The following RGS6 variants were observed in gnomAD, a reference collection of about 807,000 sequenced individuals.
The protein encoded by RGS6 is regulator of G protein signaling 6.
A neutral mutation model predicts 78.5 loss-of-function variants in RGS6; 30 were observed. That is an observed-to-expected ratio of 0.38 (90% CI 0.29 to 0.52). The LOEUF (loss-of-function observed/expected upper bound fraction) is 0.52, where lower values mean the gene tolerates loss of function less well. RGS6 is among the 20% of genes least tolerant of loss of function. RGS6 has a pLI of 0.85. For synonymous variants in RGS6, 206 were observed against 206.0 expected (o/e 1.00, Z 0.00); for missense variants, 495 against 609.7 (o/e 0.81, Z 1.98).
chr14:72,184,400 AC>A (rs2097212092), intron 2 of RGS6, among the ~76,000 whole-genome samples: 8 of 151,976 alleles, frequency 5.3e-5, no homozygotes, highest in African/African-American at 1.9e-4. Flanking sequence ...ACACACACAC[AC>A]ACACACACAC....
the RGS6 span, chr14:71,908,023 G>A: frequency 6.6e-6 from 1 of 152,226 alleles, no homozygotes; most frequent in Non-Finnish European, 1.5e-5. Flanking sequence ...TGAAGCACAA[G>A]TGAAGGAAGC....
At chr14:71,930,730 C>G (rs929439122), upstream of RGS6, among the ~76,000 whole-genome samples, 1 of 151,870 alleles carries the variant, frequency 6.6e-6, no homozygotes, top group African/African-American at 2.4e-5. Context: ...AGTCTGTAAT[C>G]CCAGCACTTT....
chr14:72,400,336 A>T (rs2092226831), intron 3 of RGS6, among the ~76,000 whole-genome samples: 1 of 152,238 alleles, frequency 6.6e-6, no homozygotes, highest in African/African-American at 2.4e-5. Flanking sequence ...TTATTAATTA[A>T]TGGTTCACTT....
intron 1 of RGS6, among the ~76,000 whole-genome samples, chr14:71,957,183 G>C (rs543006194): frequency 1.3e-5 from 2 of 152,202 alleles, no homozygotes; most frequent in Non-Finnish European, 2.9e-5. Flanking sequence ...AAGTGGTGAA[G>C]GTGTTAGGGA....
rs532357610 is a variant in RGS6 at position 72,188,441 on chromosome 14, G to T, written c.85-163654G>T. On this transcript the variant is annotated intron_variant, in intron 2 of 17. Coordinates refer to ENST00000553525, the MANE Select transcript of RGS6 (RefSeq NM_001204424.2). ...AGCTAATGCCCCTAAAATGCATGGT[G>T]CCTTACAGTGTGCCCCATAGGTGCT... Among the ~76,000 whole-genome samples the T allele has an allele frequency of 3.9e-5, 6 of 152,126 alleles. No homozygotes were observed. In the East Asian group the frequency reaches 9.7e-4, roughly 25 times the overall value.
intron 17 of RGS6, 127 bp downstream of exon 17, chr14:72,540,221 C>G (rs752956532): frequency 5.4e-5 from 82 of 1,529,556 alleles, no homozygotes; most frequent in Admixed American, 6.1e-5. Context: ...AGTGCTTTCT[C>G]CCTCGACTCA....
chr14:72,151,129 C>T (rs927019485), intron 2 of RGS6, among the ~76,000 whole-genome samples: 3 of 152,138 alleles, frequency 2.0e-5, no homozygotes, highest in Non-Finnish European at 4.4e-5. Flanking sequence ...AGAACGAAGA[C>T]CCGGGTGTGT....
chr14:72,260,877 TC>T (rs2058038830), intron 2 of RGS6, among the ~76,000 whole-genome samples: 1 of 152,188 alleles, frequency 6.6e-6, no homozygotes, highest in African/African-American at 2.4e-5. Context: ...AAGCTCAACT[TC>T]CACCATTTGG....
chr14:72,010,891 T>G (rs2085540587), intron 2 of RGS6, among the ~76,000 whole-genome samples: 1 of 152,262 alleles, frequency 6.6e-6, no homozygotes, highest in South Asian at 2.1e-4. Flanking sequence ...AACTATGCAA[T>G]GACCAATTGC....
At chr14:72,203,446 G>T (rs1165828624) in intron 2 of RGS6, among the ~76,000 whole-genome samples, 2 of 152,226 alleles carry the variant, frequency 1.3e-5, no homozygotes, top group African/African-American at 2.4e-5. Context: ...GTGGGTAAAG[G>T]ATCTGGGTTT....
chr14:72,041,853 C>T (rs961736558), intron 2 of RGS6, among the ~76,000 whole-genome samples: 15 of 152,004 alleles, frequency 9.9e-5, no homozygotes, highest in Non-Finnish European at 2.9e-5. Context: ...TATATCACCT[C>T]CCAGGAAGAT....
At chr14:72,390,090 C>CTTT (rs767640465) in intron 3 of RGS6, among the ~76,000 whole-genome samples, 4,972 of 117,330 alleles carry the variant, frequency 0.042, 418 homozygotes, top group African/African-American at 0.16. Flanking sequence ...AGCTATAGTT[C>CTTT]TTTTTTTTTT....
chr14:72,059,883 A>C (rs2093806490), intron 2 of RGS6, among the ~76,000 whole-genome samples: 3 of 152,180 alleles, frequency 2.0e-5, no homozygotes, highest in Admixed American at 2.0e-4. Flanking sequence ...TGGACTTTCC[A>C]GGCTTGAGAA....
chr14:72,345,879 T>C (rs1157044801), intron 2 of RGS6, among the ~76,000 whole-genome samples: 1 of 152,210 alleles, frequency 6.6e-6, no homozygotes, highest in East Asian at 1.9e-4. Context: ...GCCTGATCTT[T>C]TGGAACACAT....
chr14:72,130,600 C>G (rs994843930), intron 2 of RGS6, among the ~76,000 whole-genome samples: 11 of 152,122 alleles, frequency 7.2e-5, no homozygotes, highest in African/African-American at 2.7e-4. Flanking sequence ...CTCTGTGCCT[C>G]GGGAACTAGG....
intron 2 of RGS6, among the ~76,000 whole-genome samples, chr14:72,206,880 C>T (rs1026455982): frequency 6.6e-6 from 1 of 151,908 alleles, no homozygotes; most frequent in Non-Finnish European, 1.5e-5. Flanking sequence ...ACATGTACAA[C>T]CACATAGATT....
the RGS6 span, among the ~76,000 whole-genome samples, chr14:72,606,936 T>C: frequency 1.3e-5 from 2 of 152,214 alleles, no homozygotes; most frequent in African/African-American, 2.4e-5. Context: ...CCTGAGGTCC[T>C]TACAAGAAGC....
intron 6 of RGS6, among the ~76,000 whole-genome samples, chr14:72,460,024 G>T (rs1037363727): frequency 3.3e-5 from 5 of 152,186 alleles, no homozygotes; most frequent in African/African-American, 1.2e-4. Flanking sequence ...CAGGGATAGG[G>T]CTTCAGGGAG....
chr14:71,993,153 C>G (rs973712450), intron 2 of RGS6, among the ~76,000 whole-genome samples: 3 of 152,202 alleles, frequency 2.0e-5, no homozygotes, highest in African/African-American at 7.2e-5. Flanking sequence ...TTCCCAGAAA[C>G]TGTAAGGTAA....
Sources: allele counts gnomAD v4.1 joint callset (sites outside exome capture counted in the v4.1 genomes callset), GRCh38; gene constraint gnomAD v4.1.1; transcripts MANE v1.5; gene names NCBI Gene and HGNC (gene_info 2026-07-23, HGNC 2026-07-21).